The following SBNO2 variants were observed in gnomAD, a reference collection of about 807,000 sequenced individuals.
SBNO2 encodes protein strawberry notch homolog 2.
A neutral mutation model predicts 146.3 loss-of-function variants in SBNO2; 89 were observed. The ratio of observed to expected loss-of-function variants is 0.61; its 90% CI spans 0.51 to 0.73. The LOEUF (loss-of-function observed/expected upper bound fraction) is 0.73. Among genes scored for constraint, SBNO2 ranks in the 30% least tolerant of loss-of-function variants. SBNO2 has a pLI of 0.00. For synonymous variants in SBNO2, 1,147 were observed against 892.6 expected (o/e 1.29, Z -5.08); for missense variants, 2,092 against 2,003.7 (o/e 1.04, Z -0.84).
chr19:1,123,092 G>C (rs375586433), intron 7 of SBNO2, 47 bp from the exon 8 acceptor site: 1 of 1,571,436 alleles, frequency 6.4e-7, no homozygotes, highest in Non-Finnish European at 8.6e-7. Context: ...TGGCCAAGGG[G>C]TGACCAGGGC....
intron 4 of SBNO2, among the ~76,000 whole-genome samples, chr19:1,130,425 G>A (rs1269081467): frequency 2.0e-5 from 3 of 152,104 alleles, no homozygotes; most frequent in Admixed American, 6.5e-5. Context: ...CCAGGTGGTC[G>A]AGGCTGCAGT....
intron 4 of SBNO2, among the ~76,000 whole-genome samples, chr19:1,141,863 T>C (rs1326599587): frequency 6.6e-6 from 1 of 152,026 alleles, no homozygotes; most frequent in Non-Finnish European, 1.5e-5. Flanking sequence ...GCTCAAACAA[T>C]CCTCCCGCCT....
chr19:1,142,210 C>CCCCA (rs2080146871), intron 4 of SBNO2, among the ~76,000 whole-genome samples: 1 of 92,682 alleles, frequency 1.1e-5, no homozygotes, highest in African/African-American at 3.6e-5. Flanking sequence ...TGACCTCCCT[C>CCCCA]ATGATCAACC....
At chr19:1,115,779 GCTCGGCACCCA>G in intron 17 of SBNO2, 2 of 573,348 alleles carry the variant, frequency 3.5e-6, no homozygotes, top group Non-Finnish European at 6.2e-6. Context: ...CCCGGGTCTC[GCTCGGCACCCA>G]CGTCTGTGTC....
intron 3 of SBNO2, among the ~76,000 whole-genome samples, chr19:1,148,153 G>A (rs1015557306): frequency 6.6e-6 from 1 of 151,994 alleles, no homozygotes; most frequent in Non-Finnish European, 1.5e-5. Flanking sequence ...CTGGCAGCAG[G>A]TCCAGGTCTC....
Position 1,113,000 on chromosome 19 carries a change from G to C in SBNO2, c.2248-51C>G, listed in dbSNP as rs377014448. ...GGCCGTCAGTGTTGTGGCCTCGCAG[G>C]AGTCTGGCCACCCGTGTCTCAGCTT... On this transcript the variant is annotated intron_variant, in intron 19 of 31. Coordinates refer to ENST00000361757, the MANE Select transcript of SBNO2 (RefSeq NM_014963.3). This position sits in a 1 kb window ranked among gnomAD's most constrained non-coding sequence, Gnocchi z 5.9. The C allele has an allele frequency of 6.6e-6, 10 of 1,512,924 alleles. No homozygotes were observed. In the Admixed American group the frequency reaches 1.2e-4, roughly 18 times the overall value. The allele number at this position is 1,512,924 out of a possible 1,614,324, so 93.7% of individuals were successfully genotyped here.
At chr19:1,170,755 G>A (rs2080469636) in intron 1 of SBNO2, among the ~76,000 whole-genome samples, 1 of 151,926 alleles carries the variant, frequency 6.6e-6, no homozygotes, top group Non-Finnish European at 1.5e-5. Context: ...ACGGACACGT[G>A]CATAACGGAC....
At chr19:1,131,798 G>T (rs1484036815) in intron 4 of SBNO2, among the ~76,000 whole-genome samples, 1 of 152,228 alleles carries the variant, frequency 6.6e-6, no homozygotes, top group Non-Finnish European at 1.5e-5. Flanking sequence ...CCCCCGTCCG[G>T]GCAGGGCTGA....
intron 1 of SBNO2, among the ~76,000 whole-genome samples, 155 bp from the exon 2 acceptor site, chr19:1,154,557 C>T (rs1020773124): frequency 2.0e-5 from 3 of 152,164 alleles, no homozygotes; most frequent in African/African-American, 7.2e-5. Context: ...CCCCTCCCCA[C>T]TCACCCCCAC....
chr19:1,147,340 C>A lies in SBNO2; in HGVS notation c.248G>T (p.Ser83Ile). The change falls in exon 4 of 32, where the codon AGC (serine) becomes ATC (isoleucine). Residue 83 changes from serine to isoleucine, a missense_variant. Ser to Ile is a moderately radical substitution (Grantham distance 142). Transcript: ENST00000361757. ...TSYAPVATAS[S>I]LPPKTCDFAQ... ...AAAGTCGCAGGTCTTTGGTGGCAAG[C>A]TGGAGGCGGTGGCCACGGGGGCATA... 6.4e-7 allele frequency: 1 copy of A among 1,559,276 alleles called. No homozygotes were observed. The highest frequency in any genetic ancestry group is 1.9e-5 in the Admixed American group (1 of 53,432).
rs1307324640 is a variant in SBNO2, at chr19:1,126,687, G to A, written c.441+917C>T. On this transcript the variant is annotated intron_variant, in intron 5 of 31. Coordinates refer to ENST00000361757, the MANE Select transcript of SBNO2 (RefSeq NM_014963.3). The surrounding 1 kb of genome is among the most constrained non-coding windows in gnomAD (Gnocchi z 4.4). Reference sequence around the variant, plus strand: ...GAGGGCCCGGGAGAGCGGCCTATGGGTGTGAGCCCACCACTGTGCCGGGAG... The same window carrying A: ...GAGGGCCCGGGAGAGCGGCCTATGGATGTGAGCCCACCACTGTGCCGGGAG... Among the ~76,000 whole-genome samples the A allele has an allele frequency of 1.3e-5, 2 of 152,240 alleles. No homozygotes were observed. The highest frequency in any genetic ancestry group is 2.9e-5 in the Non-Finnish European group (2 of 68,032).
intron 24 of SBNO2, 28 bp from the exon 25 acceptor site, chr19:1,111,121 G>A: frequency 6.5e-7 from 1 of 1,538,752 alleles, no homozygotes; most frequent in South Asian, 1.2e-5. Flanking sequence ...TCACATGCTG[G>A]TCTTCCCACC....
rs1319008679 is a variant in SBNO2 at position 1,122,220 on chromosome 19, A to G, written c.1068T>C (p.Ile356=). The change falls in exon 11 of 32, where the codon ATT becomes ATC. Residue 356 remains isoleucine, a synonymous_variant. Transcript: ENST00000361757. ...GVLFATYSAL[I]GESQAGGQHR... Reference sequence around the variant, plus strand: ...GCTGGCCGCCGGCCTGGCTCTCCCCAATCAGGGCGGAGTAGGTGGCGAAGA... The same window carrying G: ...GCTGGCCGCCGGCCTGGCTCTCCCCGATCAGGGCGGAGTAGGTGGCGAAGA... 6.4e-7 allele frequency: 1 copy of G among 1,570,794 alleles called. No homozygotes were observed. Among genetic ancestry groups the G allele is most frequent in the Non-Finnish European group, 8.6e-7 (1 of 1,159,226 alleles).
At chr19:1,164,637 AGG>A (rs1469883679) in intron 1 of SBNO2, among the ~76,000 whole-genome samples, 3 of 139,022 alleles carry the variant, frequency 2.2e-5, no homozygotes, top group Non-Finnish European at 3.1e-5. Context: ...GAGGAGGAGG[AGG>A]AGGAGGAACA....
chr19:1,142,082 C>T (rs897829582), intron 4 of SBNO2, among the ~76,000 whole-genome samples: 1 of 142,788 alleles, frequency 7.0e-6, no homozygotes, highest in African/African-American at 2.7e-5. Context: ...GGCCTCCCTC[C>T]TCATGATCAA....
rs767490708 is a variant in SBNO2, at chr19:1,111,048, G to A, written c.2855C>T (p.Ser952Phe). ...LLSVGIGGRE[S>F]RNGCLDVEKD... ...CTCCACGTCCAGGCAGCCATTCCGGGACTCCCGGCCACCAATGCCCACAGA... is the reference window on the plus strand; with the variant it reads ...CTCCACGTCCAGGCAGCCATTCCGGAACTCCCGGCCACCAATGCCCACAGA... The change falls in exon 25 of 32, where the codon TCC becomes TTC. Residue 952 changes from serine (S) to phenylalanine (F), a missense_variant. Transcript: ENST00000361757. 98 of 1,569,856 alleles carry A rather than the reference G, an allele frequency of 6.2e-5. No individual in the cohort carries two copies. Among genetic ancestry groups the A allele is most frequent in the Admixed American group, 4.9e-4 (26 of 53,420 alleles).
rs77454310 is a variant in SBNO2, at chr19:1,131,029, C to A, written c.280-3264G>T. 4.2e-3 allele frequency among the ~76,000 whole-genome samples: 636 copies of A among 152,294 alleles called. 26 individuals carry two copies. In the East Asian group the frequency reaches 0.09, roughly 21 times the overall value. ...CCCTGTTCACATGTGGGAAGCTGAA[C>A]AGAGCCAGGCCAGCTCCCCCCACAG... On this transcript the variant is annotated intron_variant, in intron 4 of 31. Transcript: ENST00000361757.
At chr19:1,117,913 C>G (rs1393904480) in intron 14 of SBNO2, among the ~76,000 whole-genome samples, 2 of 152,176 alleles carry the variant, frequency 1.3e-5, no homozygotes, top group African/African-American at 2.4e-5. Flanking sequence ...ACTGGGTGGG[C>G]TGGGTTAGGG....
At position 1,108,796 on chromosome 19, in the gene SBNO2, T is replaced by C. The variant is rs909891603; in HGVS notation, c.3599A>G (p.Asp1200Gly). 1 of 1,603,218 alleles carries C rather than the reference T, an allele frequency of 6.2e-7. No individual in the cohort carries two copies. The highest frequency in any genetic ancestry group is 8.5e-7 in the Non-Finnish European group (1 of 1,178,986). The change falls in exon 31 of 32, where the codon GAC becomes GGC. Residue 1200 changes from aspartate (D) to glycine (G), a missense_variant. Transcript: ENST00000361757. ...CCACTCACCCACTTGCTTCTTCCTG[T>C]CCTTGGTCTTCAGCCGCACGATCTG... is the stretch of plus-strand genomic sequence containing the variant. ...YLQIVRLKTK[D>G]RKKQVGIKIP... is the part of the protein sequence containing the mutation.
Sources: allele counts gnomAD v4.1 joint callset (sites outside exome capture counted in the v4.1 genomes callset), GRCh38; gene constraint gnomAD v4.1.1; non-coding constraint Gnocchi (gnomAD v3.1); transcripts MANE v1.5; gene names NCBI Gene and HGNC (gene_info 2026-07-23, HGNC 2026-07-21).